Variants in ELAPOR2 observed in about 807,000 individuals in gnomAD.
ELAPOR2 encodes the protein endosome-lysosome associated apoptosis and autophagy regulator family member 2.
A neutral mutation model predicts 120.7 loss-of-function variants in ELAPOR2; 89 were observed. The ratio of observed to expected loss-of-function variants is 0.74; its 90% confidence interval spans 0.62 to 0.88. ELAPOR2 has a LOEUF of 0.88. Ranked by LOEUF, ELAPOR2 falls within the 40% of genes least tolerant of loss-of-function variation. ELAPOR2 has a pLI of 0.00. For synonymous variants in ELAPOR2, 444 were observed against 444.9 expected (o/e 1.00, Z 0.03); for missense variants, 1,134 against 1,251.6 (o/e 0.91, Z 1.42).
chr7:86,971,841 C>A (rs1562950047), intron 1 of ELAPOR2, among the ~76,000 whole-genome samples: 1 of 151,994 alleles, frequency 6.6e-6, no homozygotes, highest in Non-Finnish European at 1.5e-5. Flanking sequence ...GTACCAAAAA[C>A]CTCAGAAATC....
intron 1 of ELAPOR2, among the ~76,000 whole-genome samples, chr7:87,038,746 A>G (rs959266832): frequency 1.3e-5 from 2 of 152,160 alleles, no homozygotes; most frequent in Non-Finnish European, 2.9e-5. Context: ...ACAAATGGTA[A>G]TGGAAACACA....
At chr7:86,935,106 T>C (rs1790508627) in intron 8 of ELAPOR2, among the ~76,000 whole-genome samples, 1 of 152,086 alleles carries the variant, frequency 6.6e-6, no homozygotes, top group Admixed American at 6.6e-5. Flanking sequence ...CAAAGGGATC[T>C]ATATGAAGTA....
rs142417542 is a variant in ELAPOR2 at position 87,051,472 on chromosome 7, A to C, written c.189+7853T>G. On this transcript the variant is annotated intron_variant, in intron 1 of 21. Coordinates refer to ENST00000450689, the MANE Select transcript of ELAPOR2 (RefSeq NM_001142749.3). ...CCTGAGAAACACTATTCTTCACTAC[A>C]TGAGAATAATAACTGATATTGGCGA... Among the ~76,000 whole-genome samples the C allele has an allele frequency of 7.2e-5, 11 of 152,370 alleles. No individual in the cohort carries two copies. The East Asian group carries it at 1.9e-3, about 27-fold the overall frequency.
At chr7:86,920,629 G>A (rs911924214) in intron 10 of ELAPOR2, 1 of 152,134 alleles carries the variant, frequency 6.6e-6, no homozygotes, top group African/African-American at 2.4e-5. Context: ...CCTCGCAGGA[G>A]GAAACAAACA....
At chr7:86,918,753 T>C (rs1209874271) in intron 11 of ELAPOR2, among the ~76,000 whole-genome samples, 6 of 152,116 alleles carry the variant, frequency 3.9e-5, no homozygotes, top group African/African-American at 1.4e-4. Context: ...GTAATATGCT[T>C]GAACCTCTTG....
At chr7:86,961,084 AAC>A (rs1444314207) in intron 2 of ELAPOR2, among the ~76,000 whole-genome samples, 2 of 152,308 alleles carry the variant, frequency 1.3e-5, no homozygotes, top group East Asian at 3.9e-4. Flanking sequence ...ACATATATAC[AAC>A]AGACATTATA....
At position 86,940,009 on chromosome 7, in the gene ELAPOR2, C is replaced by G; in HGVS notation, c.847+1G>C. The G allele has an allele frequency of 6.3e-7, 1 of 1,579,326 alleles. No individual in the cohort carries two copies. The highest frequency in any genetic ancestry group is 8.7e-7 in the Non-Finnish European group (1 of 1,152,822). On this transcript the variant is annotated splice_donor_variant, in intron 6 of 21. Coordinates refer to ENST00000450689, the MANE Select transcript of ELAPOR2 (RefSeq NM_001142749.3). LOFTEE classifies it high-confidence loss of function. The stretch of plus-strand genomic sequence containing the variant: ...TACTAAAACAGAATGCCATGAAATA[C>G]CTTCAATTGTGATATTTTTTACCAG...
intron 2 of ELAPOR2, among the ~76,000 whole-genome samples, chr7:86,961,993 A>C (rs186885231): frequency 6.6e-6 from 1 of 152,276 alleles, no homozygotes; most frequent in East Asian, 1.9e-4. Context: ...AATGGGGATC[A>C]GTGTCAATTA....
At chr7:86,899,076 G>A (rs1367551794) in intron 18 of ELAPOR2, among the ~76,000 whole-genome samples, 2 of 152,252 alleles carry the variant, frequency 1.3e-5, no homozygotes, top group Admixed American at 1.3e-4. Flanking sequence ...GATGTGGATG[G>A]GGCTTAGACA....
intron 1 of ELAPOR2, among the ~76,000 whole-genome samples, chr7:87,049,082 G>C (rs4727140): frequency 0.56 from 85,128 of 151,950 alleles, 24,663 homozygotes; most frequent in East Asian, 0.76. Flanking sequence ...CATCTACTAA[G>C]TGCCAGGCAC....
chr7:86,919,235 T>C lies in ELAPOR2; in HGVS notation c.1475A>G (p.His492Arg). 1 of 1,610,980 alleles carries C rather than the reference T, an allele frequency of 6.2e-7. No homozygotes were observed. The highest frequency in any genetic ancestry group is 8.5e-7 in the Non-Finnish European group (1 of 1,177,844). Residue 492 changes from histidine to arginine, a missense_variant, in exon 11 of 22, where the codon CAT (histidine) becomes CGT (arginine). By Grantham distance (29) the His-to-Arg change is conservative (BLOSUM62 0). Around this residue, in one of 3 missense-constraint regions of ELAPOR2, gnomAD observed 831 missense variants for 867.6 expected, o/e 0.96. Coordinates refer to ENST00000450689, the MANE Select transcript of ELAPOR2 (RefSeq NM_001142749.3). ...TTTTCCTTACTTAAATCCTGGGATA[T>C]GCAAGTTTAAGATCAGGTAATCATT... ...SDNDYLILNL[H>R]IPGFKPPTSM...
intron 1 of ELAPOR2, among the ~76,000 whole-genome samples, chr7:87,017,425 T>G (rs1007766907): frequency 6.6e-6 from 1 of 152,168 alleles, no homozygotes; most frequent in Non-Finnish European, 1.5e-5. Flanking sequence ...TGCCCCTGAC[T>G]TGGAAAAATG....
intron 1 of ELAPOR2, among the ~76,000 whole-genome samples, chr7:87,016,489 A>G (rs1793870864): frequency 6.6e-6 from 1 of 151,826 alleles, no homozygotes; most frequent in South Asian, 2.1e-4. Context: ...AAAGCACTGG[A>G]AATAATGCAG....
At chr7:87,018,547 A>T (rs559835238) in intron 1 of ELAPOR2, among the ~76,000 whole-genome samples, 1 of 152,334 alleles carries the variant, frequency 6.6e-6, no homozygotes, top group East Asian at 1.9e-4. Flanking sequence ...CCAAAAATGA[A>T]CAGGTTCAAT....
chr7:86,984,552 C>T (rs886817277), intron 1 of ELAPOR2, among the ~76,000 whole-genome samples: 2 of 152,158 alleles, frequency 1.3e-5, no homozygotes, highest in Admixed American at 6.5e-5. Flanking sequence ...CACACAACTA[C>T]GTGGAAACTG....
intron 1 of ELAPOR2, among the ~76,000 whole-genome samples, chr7:87,041,888 A>G (rs953096924): frequency 2.0e-5 from 3 of 151,916 alleles, no homozygotes; most frequent in Non-Finnish European, 4.4e-5. Context: ...AGAGACACAC[A>G]TAGGCTCAAA....
At chr7:87,023,993 C>T (rs1258864877) in intron 1 of ELAPOR2, among the ~76,000 whole-genome samples, 2 of 152,174 alleles carry the variant, frequency 1.3e-5, no homozygotes, top group Non-Finnish European at 2.9e-5. Flanking sequence ...TCTAGATATA[C>T]AATCATGTCA....
rs551984251 is a variant in ELAPOR2, at chr7:87,045,550, T to C, written c.189+13775A>G. 2.8e-3 allele frequency among the ~76,000 whole-genome samples: 427 copies of C among 150,178 alleles called. 4 individuals carry two copies. The highest frequency in any genetic ancestry group is 9.9e-3 in the African/African-American group (401 of 40,492). On this transcript the variant is annotated intron_variant, in intron 1 of 21. Transcript: ENST00000450689. ...ACATATTCTCACTCATAGGTGGGAA[T>C]TGAACAGTGAGATCACATGGACACA... is the stretch of plus-strand genomic sequence containing the variant.
intron 1 of ELAPOR2, among the ~76,000 whole-genome samples, chr7:86,990,116 G>A (rs966040010): frequency 1.3e-5 from 2 of 151,658 alleles, no homozygotes; most frequent in South Asian, 2.1e-4. Flanking sequence ...GTGCCATCTC[G>A]GCTCACTGCA....
Sources: allele counts gnomAD v4.1 joint callset (sites outside exome capture counted in the v4.1 genomes callset), GRCh38; gene constraint gnomAD v4.1.1; regional missense constraint gnomAD v4.1.1; transcripts MANE v1.5; gene names NCBI Gene and HGNC (gene_info 2026-07-23, HGNC 2026-07-21).